Variants in PPP1R1C observed in about 807,000 individuals in gnomAD.
The protein encoded by PPP1R1C is protein phosphatase 1 regulatory inhibitor subunit 1C.
Under a neutral mutation model 17.4 loss-of-function variants are expected in PPP1R1C, and 15 were observed. The ratio of observed to expected loss-of-function variants is 0.86; its 90% CI spans 0.58 to 1.33. The LOEUF is 1.33. Ranked by LOEUF, PPP1R1C falls within the 40% of genes most tolerant of loss-of-function variation. The probability of loss-of-function intolerance (pLI) is 0.00; values close to 1 mark genes in which losing one functional copy is unlikely to be tolerated. For synonymous variants in PPP1R1C, 35 were observed against 43.1 expected (o/e 0.81, Z 0.73); for missense variants, 143 against 130.0 (o/e 1.10, Z -0.48).
At chr2:182,067,925 C>T (rs1688034742) in intron 4 of PPP1R1C, among the ~76,000 whole-genome samples, 1 of 152,034 alleles carries the variant, frequency 6.6e-6, no homozygotes, top group Non-Finnish European at 1.5e-5. Context: ...AATTTAATTA[C>T]ATTGCTGGAC....
chr2:182,094,554 C>G (rs897843373), intron 4 of PPP1R1C, among the ~76,000 whole-genome samples: 20 of 152,142 alleles, frequency 1.3e-4, no homozygotes, highest in African/African-American at 4.3e-4. Context: ...GTATGATAGT[C>G]TCTTGTGATG....
At chr2:182,126,718 T>C (rs891276191) in intron 5 of PPP1R1C, among the ~76,000 whole-genome samples, 20 of 151,982 alleles carry the variant, frequency 1.3e-4, no homozygotes, top group Non-Finnish European at 2.5e-4. Flanking sequence ...TTCCTTGACA[T>C]TTATTTTGTG....
In PPP1R1C at chr2:181,976,791, C is replaced by T. The variant is rs903262814; in HGVS notation, n.157+1527C>T. On this transcript the variant is annotated intron_variant and non_coding_transcript_variant, in intron 2 of 5. Transcript: ENST00000464264. This position sits in a 1 kb window ranked among gnomAD's most constrained non-coding sequence, Gnocchi z 4.8. ...TGCTCTTGCTCTCTACTGTAAGGTC[C>T]CATGTTTGAAGGAGGCTTTCTTTTA... is the stretch of plus-strand genomic sequence containing the variant. Among the ~76,000 whole-genome samples, 1 of 152,018 alleles carries T rather than the reference C, an allele frequency of 6.6e-6. No homozygotes were observed. Among genetic ancestry groups the T allele is most frequent in the African/African-American group, 2.4e-5 (1 of 41,384 alleles).
At chr2:181,979,945 A>C (rs1685164230) in intron 2 of PPP1R1C, among the ~76,000 whole-genome samples, 1 of 152,198 alleles carries the variant, frequency 6.6e-6, no homozygotes, top group African/African-American at 2.4e-5. Context: ...AAATAAAAGA[A>C]TGTCTGTGGC....
intron 2 of PPP1R1C, among the ~76,000 whole-genome samples, chr2:182,024,833 C>T (rs1256236022): frequency 6.6e-6 from 1 of 151,160 alleles, no homozygotes; most frequent in Non-Finnish European, 1.5e-5. Context: ...CCAGCCTGGG[C>T]AACAAAGCAA....
Position 181,960,360 on chromosome 2 carries a change from T to C in PPP1R1C, n.111+5726T>C, listed in dbSNP as rs550827669. ...GGATGAGCACAAACCATATGGCTTC[T>C]ATCTGGAGGCACTGTGAGATCAGTG... On this transcript the variant is annotated intron_variant and non_coding_transcript_variant, in intron 1 of 5. Transcript: ENST00000464264. 6.9e-4 allele frequency among the ~76,000 whole-genome samples: 105 copies of C among 152,246 alleles called. 2 individuals are homozygous for C. Among genetic ancestry groups the C allele is most frequent in the Non-Finnish European group, 3.7e-4 (25 of 68,044 alleles).
At chr2:182,024,672 C>G (rs553855505) in intron 2 of PPP1R1C, among the ~76,000 whole-genome samples, 1 of 151,742 alleles carries the variant, frequency 6.6e-6, no homozygotes. Flanking sequence ...GCCTGCAACA[C>G]GGTGAAACCT....
At chr2:182,060,893 C>T (rs554694369) in intron 2 of PPP1R1C, among the ~76,000 whole-genome samples, 1 of 152,202 alleles carries the variant, frequency 6.6e-6, no homozygotes, top group East Asian at 1.9e-4. Flanking sequence ...TCCTCACAAC[C>T]CTTCATACAC....
chr2:181,984,436 A>T (rs1316650680), upstream of PPP1R1C, among the ~76,000 whole-genome samples: 1 of 152,250 alleles, frequency 6.6e-6, no homozygotes, highest in African/African-American at 2.4e-5. Flanking sequence ...TTCATTAATG[A>T]TATCAATTTA....
chr2:182,105,647 T>A (rs1490074658), intron 4 of PPP1R1C, among the ~76,000 whole-genome samples: 1 of 152,106 alleles, frequency 6.6e-6, no homozygotes, highest in Admixed American at 6.5e-5. Flanking sequence ...TTTGATATGA[T>A]CATGAAGTTG....
At chr2:182,018,116 C>T (rs1686312442) in intron 2 of PPP1R1C, among the ~76,000 whole-genome samples, 1 of 152,010 alleles carries the variant, frequency 6.6e-6, no homozygotes, top group Non-Finnish European at 1.5e-5. Flanking sequence ...AAAAAATGGA[C>T]AGTAATGTGA....
intron 4 of PPP1R1C, among the ~76,000 whole-genome samples, chr2:182,101,219 A>G (rs914108329): frequency 5.9e-5 from 9 of 152,228 alleles, no homozygotes; most frequent in African/African-American, 2.2e-4. Context: ...GGCAGCCTCC[A>G]ATTGTAGAAA....
At chr2:182,074,992 G>A (rs1187455666) in intron 4 of PPP1R1C, among the ~76,000 whole-genome samples, 1 of 152,126 alleles carries the variant, frequency 6.6e-6, no homozygotes, top group Non-Finnish European at 1.5e-5. Context: ...TTTTCATTAA[G>A]AGAAAAAATA....
intron 1 of PPP1R1C, among the ~76,000 whole-genome samples, chr2:181,971,273 A>C (rs1335699570): frequency 6.6e-6 from 1 of 152,134 alleles, no homozygotes. Context: ...AGGGCTCTTT[A>C]ATCAGCACTT....
In PPP1R1C at chr2:182,008,713, C is replaced by G. The variant is rs538020941; in HGVS notation, c.142+20814C>G. Among the ~76,000 whole-genome samples, 58 of 152,276 alleles carry G rather than the reference C, an allele frequency of 3.8e-4. 1 individual carries two copies. The highest frequency in any genetic ancestry group is 7.8e-4 in the Non-Finnish European group (53 of 68,008). On this transcript the variant is annotated intron_variant, in intron 2 of 4. Coordinates refer to ENST00000682840, the MANE Select transcript of PPP1R1C (RefSeq NM_001080545.3). The stretch of plus-strand genomic sequence containing the variant: ...ACCATTTAACTTATTTTAAAATGCA[C>G]AATAAATTATTGTTGACTGTTATCA...
intron 1 of PPP1R1C, among the ~76,000 whole-genome samples, chr2:181,969,827 T>C (rs1032581459): frequency 6.6e-6 from 1 of 152,222 alleles, no homozygotes; most frequent in Non-Finnish European, 1.5e-5. Flanking sequence ...CTATGTGTTT[T>C]CAAACAGCCT....
At chr2:182,039,716 A>G (rs937236989) in intron 2 of PPP1R1C, among the ~76,000 whole-genome samples, 1 of 152,114 alleles carries the variant, frequency 6.6e-6, no homozygotes, top group African/African-American at 2.4e-5. Context: ...GACGAATTGT[A>G]TAGTGGTGAA....
At chr2:181,997,154 G>A (rs1388362304) in intron 2 of PPP1R1C, among the ~76,000 whole-genome samples, 5 of 151,886 alleles carry the variant, frequency 3.3e-5, no homozygotes, top group Admixed American at 6.6e-5. Flanking sequence ...GCGTGAACCC[G>A]GGAGGCGGAG....
intron 1 of PPP1R1C, among the ~76,000 whole-genome samples, chr2:181,956,343 G>A (rs1482962307): frequency 1.3e-5 from 2 of 152,186 alleles, no homozygotes; most frequent in Non-Finnish European, 2.9e-5. Flanking sequence ...ATTGTGAACA[G>A]TGCTGCAATA....
Sources: allele counts gnomAD v4.1 joint callset (sites outside exome capture counted in the v4.1 genomes callset), GRCh38; gene constraint gnomAD v4.1.1; non-coding constraint Gnocchi (gnomAD v3.1); transcripts MANE v1.5; gene names NCBI Gene and HGNC (gene_info 2026-07-23, HGNC 2026-07-21).